Variants in TRPM2 observed in about 807,000 individuals in gnomAD.
TRPM2 encodes the protein transient receptor potential cation channel subfamily M member 2.
A neutral mutation model predicts 174.0 loss-of-function variants in TRPM2; 161 were observed. That is an observed-to-expected ratio of 0.93 (90% CI 0.81 to 1.05). The LOEUF is 1.05. Ranked by LOEUF, TRPM2 falls within the 50% of genes least tolerant of loss-of-function variation. TRPM2 has a pLI of 0.00. For missense variants in TRPM2, 2,057 were observed against 2,038.0 expected, an observed-to-expected ratio of 1.01 and a Z score of -0.18; for synonymous variants, 954 against 861.3, an observed-to-expected ratio of 1.11 and a Z score of -1.88.
At position 44,391,499 on chromosome 21, in the gene TRPM2, G is replaced by A; in HGVS notation, c.1668G>A (p.Leu556=). Residue 556 remains leucine (L), a synonymous_variant, in exon 11 of 32, where the codon CTG becomes CTA. Coordinates refer to ENST00000397928, the MANE Select transcript of TRPM2 (RefSeq NM_003307.4). The surrounding 1 kb of genome is among the most constrained non-coding windows in gnomAD (Gnocchi z 5.0). ...CTTGCGCGCCCGCGGCGCCCCGCCT[G>A]CAGATGCACCACGTGGCCCAGGTGC... ...RPACAPAAPR[L]QMHHVAQVLR... 1 of 1,610,910 alleles carries A rather than the reference G, an allele frequency of 6.2e-7. No homozygotes were observed. The highest frequency in any genetic ancestry group is 8.5e-7 in the Non-Finnish European group (1 of 1,179,344).
Position 44,438,902 on chromosome 21 carries a change from G to A in TRPM2, c.4168-165G>A, listed in dbSNP as rs1293507109. ...CCTCACAGATGCTGACGTGGACGGC[G>A]GGTTCTGGGCAATGTCACTGCAGCC... On this transcript the variant is annotated intron_variant, in intron 29 of 31. Transcript: ENST00000397928. The surrounding 1 kb of genome is among the most constrained non-coding windows in gnomAD (Gnocchi z 5.9). 2.3e-5 allele frequency: 13 copies of A among 571,228 alleles called. 1 individual carries two copies. The highest frequency in any genetic ancestry group is 1.8e-4 in the South Asian group (9 of 51,292). The allele number at this position is 571,228 out of a possible 1,614,324, so 35.4% of individuals were successfully genotyped here.
chr21:44,369,352 G>GC lies in TRPM2; in HGVS notation c.771+9_771+10insC. ...GCCTGATCCATCCCACGGTGAGTGC[G>GC]GCCCCCTAGGGAGGGGAGCCTAAGA... On this transcript the variant is annotated intron_variant, in intron 5 of 31. Transcript: ENST00000397928. 6.2e-7 allele frequency: 1 copy of GC among 1,600,510 alleles called. No individual in the cohort carries two copies. The highest frequency in any genetic ancestry group is 8.5e-7 in the Non-Finnish European group (1 of 1,171,122).
Position 44,413,979 on chromosome 21 carries a change from G to T in TRPM2, c.3051G>T (p.Arg1017Ser). 1.2e-6 allele frequency: 2 copies of T among 1,613,924 alleles called. No individual in the cohort carries two copies. Among genetic ancestry groups the T allele is most frequent in the South Asian group, 2.2e-5 (2 of 91,080 alleles). Reference protein sequence around the residue: ...KCPESDATQQRPAFPEWLTVL... With the variant: ...KCPESDATQQSPAFPEWLTVL... ...CCGAGAGCGACGCGACGCAGCAGAGGCCGGCCTTCCCTGAGTGGCTGACGG... is the reference window on the plus strand; with the variant it reads ...CCGAGAGCGACGCGACGCAGCAGAGTCCGGCCTTCCCTGAGTGGCTGACGG... The change falls in exon 20 of 32, where the codon AGG (arginine) becomes AGT (serine). Residue 1017 changes from arginine to serine, a missense_variant. Physicochemically the swap from Arg to Ser is moderately radical, Grantham distance 110. Coordinates refer to ENST00000397928, the MANE Select transcript of TRPM2 (RefSeq NM_003307.4).
intron 9 of TRPM2, 126 bp from the exon 10 acceptor site, chr21:44,390,778 G>A (rs911445375): frequency 4.4e-5 from 58 of 1,314,058 alleles, no homozygotes; most frequent in Middle Eastern, 2.2e-4. Flanking sequence ...TGGGTGCTGC[G>A]CCTGTCACTT....
At chr21:44,387,247 C>T (rs1037761539) in intron 9 of TRPM2, among the ~76,000 whole-genome samples, 43 of 152,274 alleles carry the variant, frequency 2.8e-4, no homozygotes, top group African/African-American at 8.7e-4. Flanking sequence ...AAAATAAACC[C>T]TCGCATATAT....
At chr21:44,407,188 C>G (rs1383394811) in intron 19 of TRPM2, among the ~76,000 whole-genome samples, 3 of 130,762 alleles carry the variant, frequency 2.3e-5, no homozygotes, top group Non-Finnish European at 4.7e-5. Flanking sequence ...GCTCTGTCAC[C>G]CAGGCTGGAG....
At position 44,391,826 on chromosome 21, in the gene TRPM2, C is replaced by T. The variant is rs1336510090; in HGVS notation, c.1794+201C>T. Among the ~76,000 whole-genome samples the T allele has an allele frequency of 6.6e-6, 1 of 152,180 alleles. No individual in the cohort carries two copies. The highest frequency in any genetic ancestry group is 1.5e-5 in the Non-Finnish European group (1 of 68,042). ...TTATTTTCTCGAAGTTCTGGAAGCC[C>T]GAAGTCCCAGATTAAGGCACCAGCA... On this transcript the variant is annotated intron_variant, in intron 11 of 31. Transcript: ENST00000397928. This position sits in a 1 kb window ranked among gnomAD's most constrained non-coding sequence, Gnocchi z 5.0.
chr21:44,353,895 G>A (rs781588295), intron 1 of TRPM2, 30 bp downstream of exon 1: 7 of 1,587,852 alleles, frequency 4.4e-6, no homozygotes, highest in Admixed American at 1.8e-5. Flanking sequence ...GCCTGCAGTT[G>A]GCACGTGGCC....
At position 44,399,435 on chromosome 21, in the gene TRPM2, C is replaced by T. The variant is rs2049538932; in HGVS notation, c.2202C>T (p.Gly734=). 1 of 1,610,804 alleles carries T rather than the reference C, an allele frequency of 6.2e-7. No individual in the cohort carries two copies. Residue 734 remains glycine, a synonymous_variant, in exon 14 of 32, where the codon GGC becomes GGT. Transcript: ENST00000397928. The surrounding 1 kb of genome is among the most constrained non-coding windows in gnomAD (Gnocchi z 4.6). The part of the protein sequence containing the change: ...AKDMKFVSHG[G]IQAFLTKVWW... ...ACATGAAGTTTGTGTCTCACGGGGG[C>T]ATCCAGGTGACCTCCCAAGAGCCCC...
At chr21:44,425,255 T>C in intron 24 of TRPM2, 1 of 419,726 alleles carries the variant, frequency 2.4e-6, no homozygotes, top group Non-Finnish European at 4.3e-6. Context: ...AGACTGTGTC[T>C]GAACCTGGTC....
chr21:44,356,770 A>C (rs895674579), intron 2 of TRPM2, among the ~76,000 whole-genome samples: 1 of 152,038 alleles, frequency 6.6e-6, no homozygotes, highest in African/African-American at 2.4e-5. Flanking sequence ...GTAGTTTTGG[A>C]TCATGTGCTT....
At chr21:44,350,939 C>T (rs1279633366), upstream of TRPM2, among the ~76,000 whole-genome samples, 1 of 152,188 alleles carries the variant, frequency 6.6e-6, no homozygotes, top group Non-Finnish European at 1.5e-5. Context: ...TCCTCCGTCC[C>T]CGCACCCGCC....
intron 8 of TRPM2, among the ~76,000 whole-genome samples, chr21:44,380,384 T>TTCCC (rs1300716903): frequency 4.6e-5 from 7 of 152,200 alleles, no homozygotes; most frequent in African/African-American, 1.4e-4. Context: ...CTTTCCTTCC[T>TTCCC]TCCCGGTGCC....
rs777755073 is a variant in TRPM2, at chr21:44,418,029, C to T, written c.3249C>T (p.Pro1083=). ...EYHGRPAAPP[P]FILLSHLQLF... The stretch of plus-strand genomic sequence containing the variant: ...ACGGCCGCCCCGCCGCGCCGCCCCC[C>T]TTCATCCTCCTCAGCCACCTGCAGC... The change falls in exon 21 of 32, where the codon CCC becomes CCT. Residue 1083 remains proline (P), a synonymous_variant. Coordinates refer to ENST00000397928, the MANE Select transcript of TRPM2 (RefSeq NM_003307.4). 1.2e-6 allele frequency: 2 copies of T among 1,613,246 alleles called. No homozygotes were observed. Among genetic ancestry groups the T allele is most frequent in the Admixed American group, 3.3e-5 (2 of 60,028 alleles).
chr21:44,406,575 C>A lies in TRPM2; in HGVS notation c.2791-19C>A, dbSNP rs768795705. 6.2e-7 allele frequency: 1 copy of A among 1,601,736 alleles called. No individual in the cohort carries two copies. The highest frequency in any genetic ancestry group is 1.1e-5 in the South Asian group (1 of 90,406). ...TCGGGGGCCAGGAGAGTGTAGCCCA[C>A]ACACTCTCTGTCCTGCAGATGAAGG... On this transcript the variant is annotated intron_variant, in intron 18 of 31. Coordinates refer to ENST00000397928, the MANE Select transcript of TRPM2 (RefSeq NM_003307.4).
At chr21:44,379,313 TG>T in intron 8 of TRPM2, 116 bp downstream of exon 8, 2 of 1,272,418 alleles carry the variant, frequency 1.6e-6, no homozygotes, top group South Asian at 2.7e-5. Flanking sequence ...TGGGTCTGAG[TG>T]GGTGCCAGAG....
At chr21:44,374,983 C>T (rs1048783110) in intron 5 of TRPM2, among the ~76,000 whole-genome samples, 10 of 152,312 alleles carry the variant, frequency 6.6e-5, no homozygotes, top group African/African-American at 9.6e-5. Context: ...TATGTTGGTG[C>T]GATCCTCAGC....
chr21:44,364,576 G>A (rs1403834578), intron 3 of TRPM2, among the ~76,000 whole-genome samples: 1 of 152,148 alleles, frequency 6.6e-6, no homozygotes, highest in Admixed American at 6.5e-5. Flanking sequence ...GTCCTTGGGC[G>A]GCATTTGTCA....
chr21:44,355,200 G>C (rs1244301138), intron 2 of TRPM2, among the ~76,000 whole-genome samples: 1 of 150,060 alleles, frequency 6.7e-6, no homozygotes, highest in Non-Finnish European at 1.5e-5. Context: ...GCCCCACAGA[G>C]CCCCCTTTGC....
Sources: gnomAD v4.1 joint callset for allele counts (sites outside exome capture counted in the v4.1 genomes callset) on GRCh38, gnomAD v4.1.1 for gene constraint, Gnocchi (gnomAD v3.1) non-coding constraint, MANE v1.5 for transcripts, NCBI Gene and HGNC (gene_info 2026-07-23, HGNC 2026-07-21) for gene names.